Variants in SYNE2 observed in about 807,000 individuals in gnomAD.
The protein encoded by SYNE2 is spectrin repeat containing nuclear envelope protein 2.
In SYNE2, 431 loss-of-function variants were observed where a neutral mutation model predicts 856.3. The ratio of observed to expected loss-of-function variants is 0.50; its 90% CI spans 0.47 to 0.55. SYNE2 has a LOEUF of 0.55. Among genes scored for constraint, SYNE2 ranks in the 20% least tolerant of loss-of-function variants. SYNE2 has a pLI of 0.00. For synonymous variants in SYNE2, 2,923 were observed against 2,872.3 expected (o/e 1.02, Z -0.56); for missense variants, 8,129 against 8,023.2 (o/e 1.01, Z -0.50).
At chr14:63,989,937 A>T (rs2096654611) in intron 19 of SYNE2, among the ~76,000 whole-genome samples, 1 of 152,260 alleles carries the variant, frequency 6.6e-6, no homozygotes, top group Non-Finnish European at 1.5e-5. Flanking sequence ...GGCGTGAGCC[A>T]CTGTGCCTGG....
intron 1 of SYNE2, among the ~76,000 whole-genome samples, chr14:63,778,553 C>T (rs1351064842): frequency 6.6e-6 from 1 of 152,074 alleles, no homozygotes; most frequent in South Asian, 2.1e-4. Context: ...CTTACTCTGT[C>T]ACCCAGCCTA....
At chr14:64,006,978 C>G in intron 30 of SYNE2, 65 bp from the exon 31 acceptor site, 1 of 1,302,988 alleles carries the variant, frequency 7.7e-7, no homozygotes, top group South Asian at 1.2e-5. Flanking sequence ...CCCAAGTTAC[C>G]CATATTTGTG....
chr14:64,165,965 A>T (rs2098375808), intron 90 of SYNE2, among the ~76,000 whole-genome samples: 1 of 152,232 alleles, frequency 6.6e-6, no homozygotes, highest in Admixed American at 6.5e-5. Context: ...CCGTCAGTGA[A>T]CTGAAATAAT....
rs577812512 is a variant in SYNE2, at chr14:63,935,170, C to T, written c.80-5444C>T. On this transcript the variant is annotated intron_variant, in intron 2 of 115. Transcript: ENST00000555002. The stretch of plus-strand genomic sequence containing the variant: ...AAATTGTGGTGCTCTGGAATTACTT[C>T]GTTGAGAGAAATTTATATAAGACAG... Among the ~76,000 whole-genome samples the T allele has an allele frequency of 8.5e-5, 13 of 152,218 alleles. No homozygotes were observed. The South Asian group carries it at 1.9e-3, about 22-fold the overall frequency.
chr14:64,118,955 A>G (rs1435919999), intron 66 of SYNE2, among the ~76,000 whole-genome samples: 4 of 152,134 alleles, frequency 2.6e-5, no homozygotes, highest in African/African-American at 9.7e-5. Context: ...GCCAAAGTAC[A>G]TGGATTTAAT....
Position 63,995,194 on chromosome 14 carries a change from G to A in SYNE2, c.2932G>A (p.Glu978Lys). The A allele has an allele frequency of 6.2e-7, 1 of 1,606,436 alleles. No individual in the cohort carries two copies. The highest frequency in any genetic ancestry group is 1.3e-5 in the African/African-American group (1 of 74,842). Residue 978 changes from glutamate to lysine, a missense_variant, in exon 23 of 116, where the codon GAA (glutamate) becomes AAA (lysine). Coordinates refer to ENST00000555002, the MANE Select transcript of SYNE2 (RefSeq NM_182914.3). Reference protein sequence around the residue: ...RRGRTKGLIKEHEACFSEEGC... With the variant: ...RRGRTKGLIKKHEACFSEEGC... The stretch of plus-strand genomic sequence containing the variant: ...AGGAAGGACCAAGGGTCTCATCAAA[G>A]AACATGAGGTACAATAAAGTGTTTC...
intron 89 of SYNE2, among the ~76,000 whole-genome samples, chr14:64,164,264 C>T (rs2098356209): frequency 6.6e-6 from 1 of 152,076 alleles, no homozygotes; most frequent in African/African-American, 2.4e-5. Context: ...TGCCTGCCAC[C>T]ATGCCTGGCT....
At chr14:63,837,076 A>T (rs1889882536) in intron 1 of SYNE2, among the ~76,000 whole-genome samples, 1 of 152,164 alleles carries the variant, frequency 6.6e-6, no homozygotes, top group African/African-American at 2.4e-5. Context: ...GCTAAGGGAA[A>T]CTCTTAAGGA....
Position 64,025,352 on chromosome 14 carries a change from A to AG in SYNE2, c.6184dup (p.Glu2062GlyfsTer16). The AG allele has an allele frequency of 6.2e-7, 1 of 1,614,052 alleles. No individual in the cohort carries two copies. Among genetic ancestry groups the AG allele is most frequent in the Non-Finnish European group, 8.5e-7 (1 of 1,179,982 alleles). On this transcript the variant is annotated frameshift_variant, in exon 41 of 116. Coordinates refer to ENST00000555002, the MANE Select transcript of SYNE2 (RefSeq NM_182914.3). LOFTEE classifies it high-confidence loss of function. ...TAATTCATTGGATAAAAGAGATTAA[A>AG]GAGTCCCTTATGGTTTTGAATTCAT...
intron 2 of SYNE2, among the ~76,000 whole-genome samples, chr14:63,937,092 A>G (rs1001924281): frequency 2.0e-5 from 3 of 152,122 alleles, no homozygotes; most frequent in Non-Finnish European, 4.4e-5. Flanking sequence ...AGAATAGACC[A>G]TTGGTTTTCA....
At chr14:63,960,878 A>G in intron 8 of SYNE2, 1 of 592,256 alleles carries the variant, frequency 1.7e-6, no homozygotes, top group East Asian at 2.8e-5. Context: ...GACCCTGTCT[A>G]AAAAAAATAA....
At chr14:63,791,361 T>C (rs1295207920) in intron 1 of SYNE2, among the ~76,000 whole-genome samples, 1 of 152,174 alleles carries the variant, frequency 6.6e-6, no homozygotes, top group Non-Finnish European at 1.5e-5. Flanking sequence ...CATTTCCTTA[T>C]AATTTAAAAT....
intron 1 of SYNE2, among the ~76,000 whole-genome samples, chr14:63,853,686 C>T (rs904071088): frequency 6.6e-6 from 1 of 151,346 alleles, no homozygotes; most frequent in Non-Finnish European, 1.5e-5. Flanking sequence ...CCCGGGAACC[C>T]GCGGGTCGGG....
At position 64,142,019 on chromosome 14, in the gene SYNE2, T is replaced by A. The variant is rs754139822; in HGVS notation, c.15237T>A (p.Thr5079=). The part of the protein sequence containing the change: ...ISWMNNVEHQ[T]SDEDSVHSPS... ...GGATGAACAATGTGGAGCATCAAACTTCAGATGAAGACTCCGTGCATTCAC... is the reference window on the plus strand; with the variant it reads ...GGATGAACAATGTGGAGCATCAAACATCAGATGAAGACTCCGTGCATTCAC... Residue 5079 remains threonine, a synonymous_variant, in exon 82 of 116, where the codon ACT becomes ACA. Transcript: ENST00000555002. The A allele has an allele frequency of 1.2e-6, 2 of 1,614,150 alleles. No homozygotes were observed. The highest frequency in any genetic ancestry group is 1.7e-6 in the Non-Finnish European group (2 of 1,180,018).
At chr14:64,197,294 C>CA (rs2098544876) in intron 99 of SYNE2, among the ~76,000 whole-genome samples, 1 of 152,140 alleles carries the variant, frequency 6.6e-6, no homozygotes. Flanking sequence ...GTGGTGTCTG[C>CA]AGTCTGCCTC....
At chr14:63,855,466 G>C (rs1159489585) in intron 1 of SYNE2, among the ~76,000 whole-genome samples, 1 of 152,096 alleles carries the variant, frequency 6.6e-6, no homozygotes, top group East Asian at 1.9e-4. Context: ...CCCTACTCGA[G>C]TGTCTACAGC....
intron 38 of SYNE2, 124 bp from the exon 39 acceptor site, chr14:64,024,133 C>T: frequency 2.5e-6 from 2 of 790,732 alleles, no homozygotes; most frequent in South Asian, 2.9e-5. Context: ...CATCACCCTT[C>T]TTTCGTATAG....
At chr14:64,123,590 C>A (rs2097914628) in intron 70 of SYNE2, among the ~76,000 whole-genome samples, 1 of 152,096 alleles carries the variant, frequency 6.6e-6, no homozygotes, top group Non-Finnish European at 1.5e-5. Context: ...TAGTTCTTTC[C>A]CCAAGCAGAG....
chr14:64,048,066 A>G lies in SYNE2; in HGVS notation c.7288A>G (p.Thr2430Ala). 6.2e-7 allele frequency: 1 copy of G among 1,613,866 alleles called. No homozygotes were observed. Residue 2430 changes from threonine to alanine, a missense_variant, in exon 46 of 116, where the codon ACT (threonine) becomes GCT (alanine). This residue lies in a region of SYNE2 where 5,410 missense variants were observed against 5,284.8 expected (regional missense o/e 1.02). Coordinates refer to ENST00000555002, the MANE Select transcript of SYNE2 (RefSeq NM_182914.3). ...SLNAQESMKN[T>A]EDERKVNELQ... ...TAATGCTCAAGAAAGCATGAAAAAC[A>G]CTGAAGATGAGCGGAAAGTCAATGA...
Sources: gnomAD v4.1 joint callset for allele counts (sites outside exome capture counted in the v4.1 genomes callset) on GRCh38, gnomAD v4.1.1 for gene constraint, gnomAD v4.1.1 regional missense constraint, MANE v1.5 for transcripts, NCBI Gene and HGNC (gene_info 2026-07-23, HGNC 2026-07-21) for gene names.